NDST4: variants seen among roughly 807,000 people sequenced by gnomAD.
NDST4 encodes N-heparan sulfate sulfotransferase 4.
A neutral mutation model predicts 100.8 loss-of-function variants in NDST4; 63 were observed. The observed-to-expected ratio is 0.62, with a 90% CI of 0.51 to 0.77. NDST4 has a LOEUF of 0.77. Among genes scored for constraint, NDST4 ranks in the 30% least tolerant of loss-of-function variants. The probability of loss-of-function intolerance (pLI) is 0.00; values close to 1 mark genes in which losing one functional copy is unlikely to be tolerated. For missense variants in NDST4, 943 were observed against 1,018.4 expected (o/e 0.93, Z 1.01); for synonymous variants, 377 against 361.8 (o/e 1.04, Z -0.48).
rs569849981 is a variant in NDST4, at chr4:114,964,782, C to A, written c.1221+5648G>T. On this transcript the variant is annotated intron_variant, in intron 4 of 13. Coordinates refer to ENST00000264363, the MANE Select transcript of NDST4 (RefSeq NM_022569.3). ...TCTCATTTCCTTCAGTCCCTAAAAA[C>A]CACCATTCCACTCTTTGATTCTACC... is the stretch of plus-strand genomic sequence containing the variant. Among the ~76,000 whole-genome samples, 11 of 152,256 alleles carry A rather than the reference C, an allele frequency of 7.2e-5. No individual in the cohort carries two copies. In the South Asian group the frequency reaches 2.1e-3, roughly 29 times the overall value.
chr4:114,882,845 C>A (rs1425383438), intron 6 of NDST4, among the ~76,000 whole-genome samples: 1 of 151,256 alleles, frequency 6.6e-6, no homozygotes, highest in Admixed American at 6.6e-5. Context: ...ACCTAGAAAG[C>A]CAGAGGAAAA....
rs200801455 is a variant in NDST4, at chr4:115,013,346, C to CATATATATATATATATAT, written c.979-36090_979-36073dup. 3.0e-3 allele frequency among the ~76,000 whole-genome samples: 195 copies of CATATATATATATATATAT among 65,246 alleles called. 4 individuals carry two copies. Among genetic ancestry groups the CATATATATATATATATAT allele is most frequent in the African/African-American group, 6.9e-3 (143 of 20,614 alleles). 42.8% of individuals were successfully genotyped at this position (65,246 alleles called of 152,430 possible). On this transcript the variant is annotated intron_variant, in intron 2 of 13. Coordinates refer to ENST00000264363, the MANE Select transcript of NDST4 (RefSeq NM_022569.3). Reference sequence around the variant, plus strand: ...ATGTACTCCATAAAAATATAAATACCATATATATATATATATATATATATA... The same window carrying CATATATATATATATATAT: ...ATGTACTCCATAAAAATATAAATACCATATATATATATATATATATATATATATATATATATATATATA...
intron 2 of NDST4, among the ~76,000 whole-genome samples, chr4:115,058,895 G>A (rs1426106076): frequency 6.6e-6 from 1 of 151,876 alleles, no homozygotes; most frequent in Non-Finnish European, 1.5e-5. Flanking sequence ...AAAACTAATT[G>A]TGCTTTTTTA....
Position 114,848,265 on chromosome 4 carries a change from A to T in NDST4, c.1890T>A (p.Phe630Leu), listed in dbSNP as rs1221938797. The T allele has an allele frequency of 6.8e-6, 11 of 1,611,616 alleles. No individual in the cohort carries two copies. The highest frequency in any genetic ancestry group is 9.3e-6 in the Non-Finnish European group (11 of 1,178,850). ...TGCCATTAAAGAACTGAACTTCCTC[A>T]AATGTCTTTGGACTAGGGAGATTGC... Reference protein sequence around the residue: ...IISNLPSPKTFEEVQFFNGNN... With the variant: ...IISNLPSPKTLEEVQFFNGNN... Residue 630 changes from phenylalanine (F) to leucine (L), a missense_variant, in exon 9 of 14, where the codon TTT (phenylalanine) becomes TTA (leucine). This residue lies in a region of NDST4 where 526 missense variants were observed against 634.1 expected (regional missense o/e 0.83). Transcript: ENST00000264363.
At chr4:114,911,263 C>A (rs1055789677) in intron 6 of NDST4, among the ~76,000 whole-genome samples, 2 of 152,108 alleles carry the variant, frequency 1.3e-5, no homozygotes, top group African/African-American at 4.8e-5. Flanking sequence ...CTCAGCCAAC[C>A]AGACCTCTGG....
chr4:114,958,090 G>C (rs1222006586), intron 4 of NDST4, among the ~76,000 whole-genome samples: 1 of 152,232 alleles, frequency 6.6e-6, no homozygotes, highest in Admixed American at 6.5e-5. Context: ...CAGTGCCCCA[G>C]TGGGGATTCT....
At chr4:114,895,687 A>G (rs1257105361) in intron 6 of NDST4, among the ~76,000 whole-genome samples, 1 of 152,188 alleles carries the variant, frequency 6.6e-6, no homozygotes, top group Non-Finnish European at 1.5e-5. Flanking sequence ...ACAAAAAAGG[A>G]AAACTTCAGG....
chr4:115,103,391 T>A (rs1477117910), intron 1 of NDST4, among the ~76,000 whole-genome samples: 3 of 152,176 alleles, frequency 2.0e-5, no homozygotes, highest in Non-Finnish European at 2.9e-5. Context: ...TAATTATAAA[T>A]CTCTTCTTTC....
chr4:114,848,580 AC>A (rs1341969230), intron 8 of NDST4, among the ~76,000 whole-genome samples: 1 of 152,200 alleles, frequency 6.6e-6, no homozygotes, highest in African/African-American at 2.4e-5. Context: ...AGTAAAGCAG[AC>A]TGATGATGCA....
In NDST4 at chr4:115,015,098, C is replaced by A. The variant is rs542951101; in HGVS notation, c.979-37824G>T. ...AGCGCTCCACTGGGGTCAAGCTGGTCCTAAAGGCATGGCAAGATATATGAA... is the reference window on the plus strand; with the variant it reads ...AGCGCTCCACTGGGGTCAAGCTGGTACTAAAGGCATGGCAAGATATATGAA... On this transcript the variant is annotated intron_variant, in intron 2 of 13. Coordinates refer to ENST00000264363, the MANE Select transcript of NDST4 (RefSeq NM_022569.3). Among the ~76,000 whole-genome samples, 8 of 152,198 alleles carry A rather than the reference C, an allele frequency of 5.3e-5. No homozygotes were observed. In the East Asian group the frequency reaches 1.5e-3, roughly 29 times the overall value.
At chr4:114,904,635 T>C (rs1724912365) in intron 6 of NDST4, among the ~76,000 whole-genome samples, 1 of 151,904 alleles carries the variant, frequency 6.6e-6, no homozygotes, top group Non-Finnish European at 1.5e-5. Flanking sequence ...TATATGGATT[T>C]TTTTAGAATG....
intron 6 of NDST4, among the ~76,000 whole-genome samples, chr4:114,898,778 T>C (rs913654482): frequency 6.6e-6 from 1 of 152,242 alleles, no homozygotes; most frequent in African/African-American, 2.4e-5. Context: ...AAATATTTCA[T>C]TTTCAGGGTG....
At chr4:114,833,500 G>A in intron 12 of NDST4, 106 bp downstream of exon 12, 1 of 706,050 alleles carries the variant, frequency 1.4e-6, no homozygotes, top group Non-Finnish European at 2.5e-6. Flanking sequence ...GGTAGCATAG[G>A]ATGTATAAAT....
chr4:115,034,781 GACC>G (rs1449340780), intron 2 of NDST4, among the ~76,000 whole-genome samples: 1 of 152,022 alleles, frequency 6.6e-6, no homozygotes, highest in Non-Finnish European at 1.5e-5. Flanking sequence ...CCTGATTACT[GACC>G]ATGGCAGTAA....
intron 11 of NDST4, among the ~76,000 whole-genome samples, chr4:114,838,779 C>T (rs910401472): frequency 5.3e-5 from 8 of 151,234 alleles, no homozygotes; most frequent in Admixed American, 4.6e-4. Context: ...AACAAACCTG[C>T]ATGTTCTGCA....
intron 6 of NDST4, among the ~76,000 whole-genome samples, chr4:114,893,263 A>G (rs1724638792): frequency 6.6e-6 from 1 of 152,142 alleles, no homozygotes; most frequent in Non-Finnish European, 1.5e-5. Flanking sequence ...TATATCCAGT[A>G]ATGGGATTGC....
At chr4:115,094,307 CAGA>C (rs1482232197) in intron 1 of NDST4, among the ~76,000 whole-genome samples, 6 of 152,038 alleles carry the variant, frequency 3.9e-5, no homozygotes, top group Non-Finnish European at 8.8e-5. Context: ...CTGATGTCAA[CAGA>C]AGATCTCATC....
intron 1 of NDST4, among the ~76,000 whole-genome samples, chr4:115,092,917 TTGAC>T (rs1319851054): frequency 2.0e-5 from 3 of 152,138 alleles, no homozygotes; most frequent in South Asian, 2.1e-4. Context: ...AATTTGCAGA[TTGAC>T]TGAAAAAATC....
chr4:115,043,785 C>A (rs1728403417), intron 2 of NDST4, among the ~76,000 whole-genome samples: 1 of 151,918 alleles, frequency 6.6e-6, no homozygotes, highest in Admixed American at 6.6e-5. Flanking sequence ...TCCTGGCATA[C>A]ATTAAATGTT....
Sources: allele counts gnomAD v4.1 joint callset (sites outside exome capture counted in the v4.1 genomes callset), GRCh38; gene constraint gnomAD v4.1.1; regional missense constraint gnomAD v4.1.1; transcripts MANE v1.5; gene names NCBI Gene and HGNC (gene_info 2026-07-23, HGNC 2026-07-21).